The following BEND7 variants were observed in gnomAD, a reference collection of about 807,000 sequenced individuals.
The protein encoded by BEND7 is BEN domain-containing protein 7.
A neutral mutation model predicts 50.9 loss-of-function variants in BEND7; 28 were observed. That is an observed-to-expected ratio of 0.55 (90% CI 0.41 to 0.75). BEND7 has a LOEUF of 0.75. BEND7 is among the 30% of genes least tolerant of loss of function. BEND7 has a pLI of 0.00. For missense variants in BEND7, 477 were observed against 491.3 expected, an observed-to-expected ratio of 0.97 and a Z score of 0.28; for synonymous variants, 170 against 183.9, an observed-to-expected ratio of 0.92 and a Z score of 0.61.
downstream of BEND7, chr10:13,438,964 A>C: frequency 1.8e-6 from 1 of 552,732 alleles, no homozygotes; most frequent in Non-Finnish European, 3.2e-6. Flanking sequence ...GGAGGCCAGG[A>C]CTCACTGTCG....
intron 6 of BEND7, among the ~76,000 whole-genome samples, chr10:13,467,159 T>C (rs2074336278): frequency 6.6e-6 from 1 of 152,196 alleles, no homozygotes; most frequent in South Asian, 2.1e-4. Context: ...TCCCTTCTCA[T>C]TGGGATCAGC....
At chr10:13,448,397 G>T (rs1836903604) in intron 7 of BEND7, among the ~76,000 whole-genome samples, 1 of 152,184 alleles carries the variant, frequency 6.6e-6, no homozygotes, top group South Asian at 2.1e-4. Flanking sequence ...TAATGTGCGT[G>T]GGCAGCCCTT....
intron 2 of BEND7, among the ~76,000 whole-genome samples, chr10:13,518,957 T>C (rs368222109): frequency 6.6e-6 from 1 of 152,202 alleles, no homozygotes; most frequent in Non-Finnish European, 1.5e-5. Flanking sequence ...CAGGTCACAT[T>C]TGCCCTCTAG....
intron 2 of BEND7, among the ~76,000 whole-genome samples, chr10:13,524,592 C>T (rs529394140): frequency 7.0e-6 from 1 of 142,470 alleles, no homozygotes; most frequent in Non-Finnish European, 1.5e-5. Flanking sequence ...TGCAGTGAGC[C>T]GAGATCATGC....
At chr10:13,509,479 T>C (rs1002536294) in intron 2 of BEND7, among the ~76,000 whole-genome samples, 1 of 152,102 alleles carries the variant, frequency 6.6e-6, no homozygotes, top group Non-Finnish European at 1.5e-5. Flanking sequence ...CATCGCCAGC[T>C]ACACTTCCCA....
intron 2 of BEND7, among the ~76,000 whole-genome samples, chr10:13,514,586 A>C (rs2078521199): frequency 7.4e-6 from 1 of 135,908 alleles, no homozygotes; most frequent in Admixed American, 7.4e-5. Context: ...TAAACCAGGG[A>C]AGTTGGGTCG....
At chr10:13,467,405 T>A (rs1017294043) in intron 6 of BEND7, among the ~76,000 whole-genome samples, 1 of 152,206 alleles carries the variant, frequency 6.6e-6, no homozygotes, top group African/African-American at 2.4e-5. Context: ...ATAAAATGAT[T>A]ACACTTCAAC....
At chr10:13,496,974 G>C in intron 3 of BEND7, 86 bp from the exon 4 acceptor site, 1 of 1,418,354 alleles carries the variant, frequency 7.1e-7, no homozygotes. Context: ...AAAAAAGAAA[G>C]TATCTTGGCA....
At chr10:13,480,201 T>A (rs375723969) in intron 6 of BEND7, among the ~76,000 whole-genome samples, 1 of 152,228 alleles carries the variant, frequency 6.6e-6, no homozygotes, top group East Asian at 1.9e-4. Context: ...ATTTTAAAGT[T>A]AAGAGAAGTA....
chr10:13,520,464 A>G (rs1033476912), intron 2 of BEND7, among the ~76,000 whole-genome samples: 4 of 152,094 alleles, frequency 2.6e-5, no homozygotes, highest in African/African-American at 9.7e-5. Flanking sequence ...GACCGTGCAT[A>G]CTAGACACTC....
intron 2 of BEND7, among the ~76,000 whole-genome samples, chr10:13,501,845 CA>C (rs11297588): frequency 0.53 from 74,957 of 141,778 alleles, 19,035 homozygotes; most frequent in Non-Finnish European, 0.56. Flanking sequence ...GACCCTGTCT[CA>C]AAAAAAAAAA....
In BEND7 at chr10:13,528,478, C is replaced by T. The variant is rs1232994883; in HGVS notation, c.56G>A (p.Ser19Asn). The part of the protein sequence containing the change: ...SRKSQSFKLV[S>N]RDYHHEVYKI... ...CCGCCCCGGCGGCCGCTTACCTCGG[C>T]TCACCAGTTTGAAGCTCTGGGATTT... Residue 19 changes from serine (S) to asparagine (N), a missense_variant, in exon 1 of 9, where the codon AGC (serine) becomes AAC (asparagine). Ser to Asn is a conservative substitution (Grantham distance 46, BLOSUM62 1). Transcript: ENST00000466271. The T allele has an allele frequency of 1.9e-6, 2 of 1,035,044 alleles. No homozygotes were observed. The highest frequency in any genetic ancestry group is 3.3e-5 in the South Asian group (1 of 30,368). The allele number at this position is 1,035,044 out of a possible 1,614,324, so 64.1% of individuals were successfully genotyped here.
At chr10:13,485,572 G>A (rs1412660085) in intron 5 of BEND7, among the ~76,000 whole-genome samples, 1 of 152,164 alleles carries the variant, frequency 6.6e-6, no homozygotes, top group Non-Finnish European at 1.5e-5. Flanking sequence ...CTGATTTGGG[G>A]CTGAAAAGCC....
chr10:13,518,737 C>T (rs2078873358), intron 2 of BEND7, among the ~76,000 whole-genome samples: 2 of 152,188 alleles, frequency 1.3e-5, no homozygotes, highest in South Asian at 4.1e-4. Context: ...GTTACAGAAG[C>T]TTAAAGTTAA....
rs1355190993 is a variant in BEND7, at chr10:13,500,575, G to T, written c.146-495C>A. On this transcript the variant is annotated intron_variant, in intron 2 of 8. Transcript: ENST00000466271. ...AAGCCTGGACTGGCAGGGACGCAGG[G>T]CTTCACTACTGACACAATGTCCTTC... 4 of 988,884 alleles carry T rather than the reference G, an allele frequency of 4.0e-6. No individual in the cohort carries two copies. The African/African-American group carries it at 7.0e-5, about 17-fold the overall frequency. 61.3% of individuals were successfully genotyped at this position (988,884 alleles called of 1,614,324 possible). A position where few individuals can be genotyped will look rare whatever the true frequency, so the allele number is the denominator to read the frequency against.
chr10:13,487,179 A>AT (rs2076281120), intron 5 of BEND7, among the ~76,000 whole-genome samples: 1 of 152,074 alleles, frequency 6.6e-6, no homozygotes, highest in East Asian at 1.9e-4. Context: ...TATCATACAG[A>AT]TTTTTTCTAA....
chr10:13,468,512 C>T (rs1011596578), intron 6 of BEND7, among the ~76,000 whole-genome samples: 1 of 152,092 alleles, frequency 6.6e-6, no homozygotes, highest in African/African-American at 2.4e-5. Flanking sequence ...AGAGTTCGGA[C>T]TGAATAGGCC....
intron 3 of BEND7, among the ~76,000 whole-genome samples, chr10:13,499,486 A>G (rs373942382): frequency 4.8e-4 from 73 of 152,286 alleles, no homozygotes; most frequent in African/African-American, 1.5e-3. Flanking sequence ...TTTTGTGACA[A>G]TAATATCCAT....
chr10:13,444,208 C>T (rs1835809856), intron 8 of BEND7: 1 of 152,124 alleles, frequency 6.6e-6, no homozygotes, highest in South Asian at 2.1e-4. Context: ...CACCAGCACC[C>T]AACACGGGGC....
Sources: gnomAD v4.1 joint callset for allele counts (sites outside exome capture counted in the v4.1 genomes callset) on GRCh38, gnomAD v4.1.1 for gene constraint, MANE v1.5 for transcripts, NCBI Gene and HGNC (gene_info 2026-07-23, HGNC 2026-07-21) for gene names.